Variants in ZNF385B observed in about 807,000 individuals in gnomAD.
The protein encoded by ZNF385B is zinc finger protein 385B, also known as zinc finger protein 533.
Under a neutral mutation model 39.2 loss-of-function variants are expected in ZNF385B, and 23 were observed. The observed-to-expected ratio is 0.59, with a 90% CI of 0.42 to 0.83. The LOEUF (loss-of-function observed/expected upper bound fraction) is 0.83. Ranked by LOEUF, ZNF385B falls within the 40% of genes least tolerant of loss-of-function variation. The pLI, the probability that ZNF385B is intolerant of heterozygous loss-of-function variation, is 0.00. For synonymous variants in ZNF385B, 205 were observed against 222.6 expected, an observed-to-expected ratio of 0.92 and a Z score of 0.70; for missense variants, 552 against 598.9, an observed-to-expected ratio of 0.92 and a Z score of 0.82.
intron 3 of ZNF385B, among the ~76,000 whole-genome samples, chr2:179,662,007 T>G (rs1575126940): frequency 6.6e-6 from 1 of 152,296 alleles, no homozygotes; most frequent in East Asian, 1.9e-4. Context: ...CCACTGTGAT[T>G]TGGCTTTAAT....
intron 6 of ZNF385B, among the ~76,000 whole-genome samples, chr2:179,462,239 C>A (rs1458046508): frequency 2.0e-5 from 3 of 152,180 alleles, no homozygotes; most frequent in Non-Finnish European, 2.9e-5. Flanking sequence ...AGTTAGCTCA[C>A]TTTGATAAGG....
intron 2 of ZNF385B, 24 bp from the exon 3 acceptor site, chr2:179,769,826 T>C: frequency 6.4e-7 from 1 of 1,567,688 alleles, no homozygotes; most frequent in Non-Finnish European, 8.7e-7. Context: ...CAAGTACAAG[T>C]GCTTCTGAAA....
chr2:179,729,423 G>T (rs1467762919), intron 3 of ZNF385B, among the ~76,000 whole-genome samples: 1 of 152,172 alleles, frequency 6.6e-6, no homozygotes, highest in Non-Finnish European at 1.5e-5. Context: ...GTAAACAGAT[G>T]TAAACCTCTC....
At chr2:179,544,773 T>G in intron 4 of ZNF385B, 54 bp downstream of exon 4, 1 of 1,606,242 alleles carries the variant, frequency 6.2e-7, no homozygotes, top group Non-Finnish European at 8.5e-7. Context: ...TATTCACAAA[T>G]GTAATGAAAT....
At chr2:179,534,389 A>G (rs2059433573) in intron 4 of ZNF385B, among the ~76,000 whole-genome samples, 1 of 152,204 alleles carries the variant, frequency 6.6e-6, no homozygotes, top group Non-Finnish European at 1.5e-5. Context: ...TTTCGTAAAC[A>G]TAATCTCATT....
chr2:179,673,448 G>T (rs1696317114), intron 3 of ZNF385B, among the ~76,000 whole-genome samples: 1 of 152,134 alleles, frequency 6.6e-6, no homozygotes, highest in African/African-American at 2.4e-5. Context: ...ATGGATAGTA[G>T]ACCCCATAAT....
chr2:179,631,355 C>T (rs1023665053), intron 3 of ZNF385B, among the ~76,000 whole-genome samples: 3 of 152,112 alleles, frequency 2.0e-5, no homozygotes, highest in East Asian at 1.9e-4. Flanking sequence ...AAGAGAGTAG[C>T]GGTCAATATT....
chr2:179,608,339 C>A (rs1371419318), intron 3 of ZNF385B, among the ~76,000 whole-genome samples: 1 of 152,140 alleles, frequency 6.6e-6, no homozygotes, highest in African/African-American at 2.4e-5. Context: ...GTGGTGTGAA[C>A]TTCAATCTGT....
intron 1 of ZNF385B, among the ~76,000 whole-genome samples, chr2:179,805,906 A>T (rs1175473383): frequency 6.6e-6 from 1 of 152,240 alleles, no homozygotes; most frequent in Non-Finnish European, 1.5e-5. Flanking sequence ...TTATTATGCT[A>T]GACATAAAAA....
intron 3 of ZNF385B, among the ~76,000 whole-genome samples, chr2:179,762,452 A>G (rs538977088): frequency 9.2e-4 from 140 of 152,244 alleles, no homozygotes; most frequent in African/African-American, 3.2e-3. Context: ...TCAGCCTCCC[A>G]AAGTGCTGGG....
chr2:179,664,065 T>A (rs1423607975), intron 3 of ZNF385B, among the ~76,000 whole-genome samples: 22 of 151,764 alleles, frequency 1.4e-4, no homozygotes, highest in African/African-American at 1.4e-4. Context: ...AAAATATTTT[T>A]TTTTTTTCAA....
chr2:179,588,252 C>T (rs1687257037), intron 3 of ZNF385B, among the ~76,000 whole-genome samples: 1 of 152,128 alleles, frequency 6.6e-6, no homozygotes, highest in Non-Finnish European at 1.5e-5. Context: ...CCATGCCCGG[C>T]TAATTTTTTG....
intron 3 of ZNF385B, among the ~76,000 whole-genome samples, chr2:179,549,120 T>G (rs2060412000): frequency 6.7e-6 from 1 of 149,630 alleles, no homozygotes; most frequent in South Asian, 2.1e-4. Flanking sequence ...TTGAGGTTTA[T>G]CTATGTTGTA....
intron 3 of ZNF385B, among the ~76,000 whole-genome samples, chr2:179,546,882 C>T (rs2060269693): frequency 6.7e-6 from 1 of 149,560 alleles, no homozygotes; most frequent in African/African-American, 2.5e-5. Context: ...ACATCCTTGC[C>T]AACATTTGTT....
chr2:179,554,483 G>T (rs2060780910), intron 3 of ZNF385B, among the ~76,000 whole-genome samples: 1 of 148,990 alleles, frequency 6.7e-6, no homozygotes, highest in South Asian at 2.1e-4. Context: ...GGCTTTCAAG[G>T]TATTCTTAGG....
chr2:179,558,449 G>A (rs2061099206), intron 3 of ZNF385B, among the ~76,000 whole-genome samples: 1 of 152,082 alleles, frequency 6.6e-6, no homozygotes, highest in Non-Finnish European at 1.5e-5. Flanking sequence ...CCCATCCCAA[G>A]CCTGTTTAAT....
chr2:179,795,339 C>T (rs1423703044), intron 1 of ZNF385B, among the ~76,000 whole-genome samples: 1 of 152,006 alleles, frequency 6.6e-6, no homozygotes, highest in African/African-American at 2.4e-5. Context: ...TAGAAGGTTT[C>T]TACGATTTTC....
intron 5 of ZNF385B, among the ~76,000 whole-genome samples, chr2:179,511,776 GT>G (rs1367017212): frequency 6.6e-6 from 1 of 152,126 alleles, no homozygotes; most frequent in Non-Finnish European, 1.5e-5. Context: ...ATGGCATGAG[GT>G]TGTCACCTTA....
At chr2:179,670,135 C>CA (rs35442427) in intron 3 of ZNF385B, among the ~76,000 whole-genome samples, 1 of 151,374 alleles carries the variant, frequency 6.6e-6, no homozygotes, top group African/African-American at 2.4e-5. Flanking sequence ...ACTAAAAATA[C>CA]AAAAAAATTA....
Sources: gnomAD v4.1 joint callset for allele counts (sites outside exome capture counted in the v4.1 genomes callset) on GRCh38, gnomAD v4.1.1 for gene constraint, MANE v1.5 for transcripts, NCBI Gene and HGNC (gene_info 2026-07-23, HGNC 2026-07-21) for gene names.